Variants in UBE2W observed in about 807,000 individuals in gnomAD.
UBE2W encodes the protein ubiquitin conjugating enzyme E2 W, also known as ubiquitin-conjugating enzyme E2 W.
Under a neutral mutation model 27.2 loss-of-function variants are expected in UBE2W, and 18 were observed. That is an observed-to-expected ratio of 0.66 (90% CI 0.46 to 0.98). The LOEUF (loss-of-function observed/expected upper bound fraction) is 0.98. Ranked by LOEUF, UBE2W falls within the 50% of genes least tolerant of loss-of-function variation. The pLI, the probability that UBE2W is intolerant of heterozygous loss-of-function variation, is 0.00. For missense variants in UBE2W, 90 were observed against 180.2 expected (o/e 0.50, Z 2.87); for synonymous variants, 53 against 57.2 (o/e 0.93, Z 0.33).
At chr8:73,859,993 T>C (rs1178294731) in intron 1 of UBE2W, among the ~76,000 whole-genome samples, 1 of 152,072 alleles carries the variant, frequency 6.6e-6, no homozygotes, top group Non-Finnish European at 1.5e-5. Flanking sequence ...AGGAAAAGTA[T>C]ACAAAGACAC....
At chr8:73,866,288 A>ATATATATTT (rs1336267213) in intron 1 of UBE2W, among the ~76,000 whole-genome samples, 1 of 80,362 alleles carries the variant, frequency 1.2e-5, no homozygotes, top group Admixed American at 1.3e-4. Flanking sequence ...AAAAAAAAAA[A>ATATATATTT]AAATATATAT....
chr8:73,783,202 T>C (rs1381929334), downstream of UBE2W, among the ~76,000 whole-genome samples: 2 of 152,234 alleles, frequency 1.3e-5, no homozygotes, highest in African/African-American at 4.8e-5. Context: ...CTTGTTTTCA[T>C]AGTTTGTCTT....
chr8:73,783,175 A>C (rs912050568), downstream of UBE2W, among the ~76,000 whole-genome samples: 2 of 152,308 alleles, frequency 1.3e-5, no homozygotes, highest in South Asian at 4.1e-4. Context: ...TATCAGATAT[A>C]TTTGCAAAGA....
At position 73,792,233 on chromosome 8, in the gene UBE2W, G is replaced by A; in HGVS notation, c.*1869C>T. 1.0e-6 allele frequency: 1 copy of A among 985,664 alleles called. No individual in the cohort carries two copies. Among genetic ancestry groups the A allele is most frequent in the Non-Finnish European group, 1.2e-6 (1 of 829,812 alleles). 61.1% of individuals were successfully genotyped at this position (985,664 alleles called of 1,614,324 possible). Reference sequence around the variant, plus strand: ...ACTAATAAAACTGACAGAGATCATTGTGAGAATTTATCTAGTCAAGATAGA... The same window carrying A: ...ACTAATAAAACTGACAGAGATCATTATGAGAATTTATCTAGTCAAGATAGA... On this transcript the variant is annotated 3_prime_UTR_variant, in exon 6 of 6. Coordinates refer to ENST00000602593, the MANE Select transcript of UBE2W (RefSeq NM_018299.6).
chr8:73,845,397 A>G (rs966307745), intron 1 of UBE2W, among the ~76,000 whole-genome samples: 3 of 152,228 alleles, frequency 2.0e-5, no homozygotes, highest in Admixed American at 6.5e-5. Flanking sequence ...CTGTTAATCT[A>G]TAACCTTACC....
intron 1 of UBE2W, among the ~76,000 whole-genome samples, chr8:73,852,584 G>A (rs1017247795): frequency 6.6e-6 from 1 of 152,148 alleles, no homozygotes; most frequent in African/African-American, 2.4e-5. Context: ...TACTTTGGAA[G>A]AATAAATTTT....
chr8:73,854,270 A>T (rs987944916), intron 1 of UBE2W, among the ~76,000 whole-genome samples: 4 of 152,268 alleles, frequency 2.6e-5, no homozygotes, highest in South Asian at 2.1e-4. Context: ...CTAGGAGTAA[A>T]AAATAAATAA....
At chr8:73,866,290 A>AAAAATAT (rs1248216873) in intron 1 of UBE2W, among the ~76,000 whole-genome samples, 7 of 43,090 alleles carry the variant, frequency 1.6e-4, no homozygotes, top group Non-Finnish European at 2.5e-4. Context: ...AAAAAAAAAA[A>AAAAATAT]ATATATATAT....
At chr8:73,824,349 G>C (rs1353944305) in intron 3 of UBE2W, among the ~76,000 whole-genome samples, 1 of 152,160 alleles carries the variant, frequency 6.6e-6, no homozygotes, top group Admixed American at 6.6e-5. Context: ...ATCAGACTTT[G>C]TGCTGATGTT....
At chr8:73,875,235 G>A (rs911117371) in intron 1 of UBE2W, among the ~76,000 whole-genome samples, 5 of 152,164 alleles carry the variant, frequency 3.3e-5, no homozygotes, top group African/African-American at 1.2e-4. Flanking sequence ...TTAGGGAGTA[G>A]AGCGTCCCCA....
At chr8:73,800,385 G>A (rs1371746337) in intron 5 of UBE2W, among the ~76,000 whole-genome samples, 12 of 152,010 alleles carry the variant, frequency 7.9e-5, no homozygotes, top group Non-Finnish European at 1.5e-4. Flanking sequence ...AATATATTAA[G>A]AGATAAGAAT....
At chr8:73,829,131 T>C (rs1809969990) in intron 2 of UBE2W, among the ~76,000 whole-genome samples, 1 of 152,200 alleles carries the variant, frequency 6.6e-6, no homozygotes, top group Non-Finnish European at 1.5e-5. Flanking sequence ...TTGGCTGTTA[T>C]AATTTGTGGT....
At chr8:73,878,674 G>A (rs1304254027) in intron 1 of UBE2W, 134 bp downstream of exon 1, 3 of 770,174 alleles carry the variant, frequency 3.9e-6, no homozygotes, top group Non-Finnish European at 6.7e-6. Flanking sequence ...GCCCTGAGCT[G>A]AGGGAAAACA....
At chr8:73,822,312 CAAAG>C (rs1809648415) in intron 3 of UBE2W, among the ~76,000 whole-genome samples, 1 of 152,078 alleles carries the variant, frequency 6.6e-6, no homozygotes, top group African/African-American at 2.4e-5. Flanking sequence ...CCTAGGCCGA[CAAAG>C]AATCCCTAAG....
chr8:73,841,437 T>A (rs565973255), intron 1 of UBE2W, among the ~76,000 whole-genome samples: 1 of 152,210 alleles, frequency 6.6e-6, no homozygotes, highest in South Asian at 2.1e-4. Context: ...TCATTCTTAG[T>A]TTAAGCTAAA....
intron 1 of UBE2W, among the ~76,000 whole-genome samples, chr8:73,877,940 T>C (rs1812303200): frequency 1.3e-5 from 2 of 152,138 alleles, no homozygotes; most frequent in South Asian, 4.1e-4. Flanking sequence ...GTCGGGGGGA[T>C]ATGGCACAGG....
At chr8:73,839,240 G>T (rs1019584999) in intron 1 of UBE2W, among the ~76,000 whole-genome samples, 1 of 150,570 alleles carries the variant, frequency 6.6e-6, no homozygotes, top group Non-Finnish European at 1.5e-5. Flanking sequence ...CTACTACTTG[G>T]TTCTTCAGTA....
intron 1 of UBE2W, among the ~76,000 whole-genome samples, chr8:73,841,964 C>T (rs1810552587): frequency 6.6e-6 from 1 of 152,130 alleles, no homozygotes; most frequent in Non-Finnish European, 1.5e-5. Flanking sequence ...GATTCATAGC[C>T]TGAATTCCTG....
chr8:73,851,004 C>G (rs1421477816), intron 1 of UBE2W, among the ~76,000 whole-genome samples: 1 of 151,804 alleles, frequency 6.6e-6, no homozygotes, highest in African/African-American at 2.4e-5. Flanking sequence ...GAAACACAGG[C>G]ATGCACCACC....
Sources: gnomAD v4.1 joint callset for allele counts (sites outside exome capture counted in the v4.1 genomes callset) on GRCh38, gnomAD v4.1.1 for gene constraint, MANE v1.5 for transcripts, NCBI Gene and HGNC (gene_info 2026-07-23, HGNC 2026-07-21) for gene names.